The following HERC2 variants were observed in gnomAD, a reference collection of about 807,000 sequenced individuals.
HERC2 encodes the protein HECT and RLD domain containing E3 ubiquitin protein ligase 2, also known as E3 ubiquitin-protein ligase HERC2.
HERC2 carries 102 observed loss-of-function variants against 537.7 expected under a neutral mutation model. That is an observed-to-expected ratio of 0.19 (90% CI 0.16 to 0.22). The LOEUF (loss-of-function observed/expected upper bound fraction) is 0.22, where lower values mean the gene tolerates loss of function less well. Ranked by LOEUF, HERC2 falls within the 10% of genes least tolerant of loss-of-function variation. The pLI, the probability that HERC2 is intolerant of heterozygous loss-of-function variation, is 1.00. For missense variants in HERC2, 4,236 were observed against 6,198.2 expected, an observed-to-expected ratio of 0.68 and a Z score of 10.63; for synonymous variants, 2,224 against 2,466.2, an observed-to-expected ratio of 0.90 and a Z score of 2.91.
At chr15:28,313,770 G>A (rs554862705) in intron 2 of HERC2, among the ~76,000 whole-genome samples, 11 of 152,270 alleles carry the variant, frequency 7.2e-5, no homozygotes, top group African/African-American at 1.7e-4. Context: ...CATTAAGTAC[G>A]TCGATTTGAA....
intron 20 of HERC2, among the ~76,000 whole-genome samples, chr15:28,252,965 T>C (rs977830912): frequency 6.6e-6 from 1 of 152,206 alleles, no homozygotes; most frequent in African/African-American, 2.4e-5. Flanking sequence ...CTGAGAGCTG[T>C]GGCCACTGCC....
chr15:28,297,630 T>C (rs548804109), intron 3 of HERC2, among the ~76,000 whole-genome samples: 35 of 152,102 alleles, frequency 2.3e-4, no homozygotes, highest in African/African-American at 7.5e-4. Flanking sequence ...ACTACGTGAT[T>C]CCATGTATGG....
At chr15:28,321,923 G>C (rs1474517691) in intron 1 of HERC2, among the ~76,000 whole-genome samples, 152 bp downstream of exon 1, 1 of 140,854 alleles carries the variant, frequency 7.1e-6, no homozygotes, top group South Asian at 2.2e-4. Context: ...CCACTTAAGA[G>C]ATGGAGAGAG....
At chr15:28,190,579 G>A (rs541995569) in intron 55 of HERC2, 1 of 202,720 alleles carries the variant, frequency 4.9e-6, no homozygotes, top group African/African-American at 2.3e-5. Flanking sequence ...GCCAACAGGT[G>A]TGACGACAAA....
At chr15:28,226,608 G>A (rs988004656) in intron 35 of HERC2, among the ~76,000 whole-genome samples, 2 of 152,062 alleles carry the variant, frequency 1.3e-5, no homozygotes, top group African/African-American at 4.8e-5. Flanking sequence ...CCTAAAAATG[G>A]ACCAAAGATC....
At chr15:28,310,611 G>C (rs965434255) in intron 2 of HERC2, among the ~76,000 whole-genome samples, 34 of 152,292 alleles carry the variant, frequency 2.2e-4, no homozygotes, top group Admixed American at 3.3e-4. Context: ...CTGGGGTTCA[G>C]TCCAAACCCT....
At chr15:28,244,790 T>C (rs1903495788) in intron 23 of HERC2, among the ~76,000 whole-genome samples, 1 of 152,276 alleles carries the variant, frequency 6.6e-6, no homozygotes, top group African/African-American at 2.4e-5. Flanking sequence ...GCTGTTTTCC[T>C]CAGGACAACT....
intron 44 of HERC2, among the ~76,000 whole-genome samples, chr15:28,207,647 C>G (rs1898632546): frequency 6.6e-6 from 1 of 152,094 alleles, no homozygotes; most frequent in Non-Finnish European, 1.5e-5. Context: ...TTTGACACAG[C>G]CCCAGGGAGA....
chr15:28,240,235 G>T (rs146004481), intron 23 of HERC2, among the ~76,000 whole-genome samples: 3 of 152,080 alleles, frequency 2.0e-5, no homozygotes, highest in Non-Finnish European at 4.4e-5. Context: ...TGGCTAACAC[G>T]GTGAAACCCC....
At chr15:28,135,442 C>CA in intron 79 of HERC2, 36 bp downstream of exon 79, 2 of 1,527,318 alleles carry the variant, frequency 1.3e-6, no homozygotes, top group Non-Finnish European at 1.8e-6. Flanking sequence ...AAAACAAAGA[C>CA]AAATAGAATG....
chr15:28,191,084 C>T, intron 54 of HERC2, 28 bp from the exon 55 acceptor site: 1 of 1,590,522 alleles, frequency 6.3e-7, no homozygotes, highest in South Asian at 1.1e-5. Flanking sequence ...AAGAATCAAA[C>T]AAAGGCGTCT....
At chr15:28,291,469 G>C (rs1204143638) in intron 4 of HERC2, among the ~76,000 whole-genome samples, 3 of 152,112 alleles carry the variant, frequency 2.0e-5, no homozygotes, top group Non-Finnish European at 4.4e-5. Context: ...CCACACCGAA[G>C]GGATAATAGT....
intron 66 of HERC2, 142 bp downstream of exon 66, chr15:28,169,342 G>T (rs1408970819): frequency 1.0e-5 from 6 of 572,162 alleles, no homozygotes; most frequent in Non-Finnish European, 1.8e-5. Flanking sequence ...CACCATCAAA[G>T]AACTTGTGAC....
chr15:28,124,938 A>T (rs1889312491), intron 84 of HERC2, 68 bp downstream of exon 84: 1 of 1,449,254 alleles, frequency 6.9e-7, no homozygotes, highest in Non-Finnish European at 9.5e-7. Flanking sequence ...ACACACAACG[A>T]CAGGATGCAG....
chr15:28,244,653 C>G (rs989886918), intron 23 of HERC2, among the ~76,000 whole-genome samples: 1 of 152,028 alleles, frequency 6.6e-6, no homozygotes, highest in African/African-American at 2.4e-5. Context: ...AATGAATGCC[C>G]CTCAACAGTA....
chr15:28,173,486 T>C (rs146428168), intron 65 of HERC2, among the ~76,000 whole-genome samples: 28 of 152,290 alleles, frequency 1.8e-4, no homozygotes, highest in Admixed American at 9.1e-4. Context: ...TGTATGATTC[T>C]ATTTATAGTA....
intron 23 of HERC2, among the ~76,000 whole-genome samples, chr15:28,243,682 C>G (rs1383575150): frequency 6.6e-6 from 1 of 152,072 alleles, no homozygotes; most frequent in East Asian, 1.9e-4. Flanking sequence ...CAATGAGATA[C>G]CAGTGTACAC....
At position 28,176,834 on chromosome 15, in the gene HERC2, C is replaced by G; in HGVS notation, c.9433-66G>C. On this transcript the variant is annotated intron_variant, in intron 61 of 92. Transcript: ENST00000261609. This position sits in a 1 kb window ranked among gnomAD's most constrained non-coding sequence, Gnocchi z 5.0. ...ACGGAGAAAGCAATGGATTTTCCCA[C>G]AGATAAAGCCAACCATGCACACATC... The G allele has an allele frequency of 1.9e-6, 3 of 1,585,570 alleles. No individual in the cohort carries two copies. The highest frequency in any genetic ancestry group is 2.6e-6 in the Non-Finnish European group (3 of 1,157,682).
intron 2 of HERC2, among the ~76,000 whole-genome samples, chr15:28,310,836 G>A (rs1019219451): frequency 2.0e-5 from 3 of 152,222 alleles, no homozygotes; most frequent in East Asian, 3.9e-4. Flanking sequence ...CCAGCACTTT[G>A]GGAGGCCGAA....
Sources: gnomAD v4.1 joint callset for allele counts (sites outside exome capture counted in the v4.1 genomes callset) on GRCh38, gnomAD v4.1.1 for gene constraint, Gnocchi (gnomAD v3.1) non-coding constraint, MANE v1.5 for transcripts, NCBI Gene and HGNC (gene_info 2026-07-23, HGNC 2026-07-21) for gene names.